The following RAVER2 variants were observed in gnomAD, a reference collection of about 807,000 sequenced individuals.
The protein encoded by RAVER2 is ribonucleoprotein PTB-binding 2.
Under a neutral mutation model 78.1 loss-of-function variants are expected in RAVER2, and 46 were observed. The observed-to-expected ratio is 0.59, with a 90% CI of 0.46 to 0.75. The LOEUF is 0.75. Ranked by LOEUF, RAVER2 falls within the 30% of genes least tolerant of loss-of-function variation. The pLI, the probability that RAVER2 is intolerant of heterozygous loss-of-function variation, is 0.00. For missense variants in RAVER2, 793 were observed against 837.5 expected (o/e 0.95, Z 0.66); for synonymous variants, 311 against 313.3 (o/e 0.99, Z 0.08).
intron 5 of RAVER2, among the ~76,000 whole-genome samples, chr1:64,790,102 T>C (rs1652894559): frequency 1.3e-5 from 2 of 152,366 alleles, no homozygotes; most frequent in South Asian, 2.1e-4. Context: ...CAACTTTTTA[T>C]GTACAAAAAT....
chr1:64,833,204 C>A (rs1271469194), exon 12 of RAVER2: 3 of 206,136 alleles, frequency 1.5e-5, no homozygotes, highest in Non-Finnish European at 3.0e-5. Flanking sequence ...AAAATGAAAT[C>A]TTAATATTAA....
chr1:64,814,307 C>T (rs1653701727), intron 10 of RAVER2, among the ~76,000 whole-genome samples: 1 of 151,430 alleles, frequency 6.6e-6, no homozygotes, highest in African/African-American at 2.4e-5. Flanking sequence ...TTCACCATGT[C>T]ACCTAAGCCA....
chr1:64,831,774 A>AT (rs1346026021), exon 12 of RAVER2: 1 of 151,898 alleles, frequency 6.6e-6, no homozygotes, highest in Middle Eastern at 3.2e-3. Context: ...AGGAAAAAAG[A>AT]AAACTTATGA....
At chr1:64,778,815 C>T (rs1185872060) in intron 3 of RAVER2, among the ~76,000 whole-genome samples, 1 of 149,314 alleles carries the variant, frequency 6.7e-6, no homozygotes, top group African/African-American at 2.4e-5. Context: ...CTTTTTACCG[C>T]ACTCCCTTCC....
chr1:64,776,952 T>C (rs1242690423), intron 2 of RAVER2, among the ~76,000 whole-genome samples: 1 of 152,194 alleles, frequency 6.6e-6, no homozygotes, highest in Non-Finnish European at 1.5e-5. Context: ...TTTTTATTGT[T>C]TTATGAATAT....
intron 5 of RAVER2, among the ~76,000 whole-genome samples, chr1:64,800,738 AAATTATGCTAG>A (rs1288561594): frequency 6.6e-6 from 1 of 152,130 alleles, no homozygotes; most frequent in Non-Finnish European, 1.5e-5. Context: ...AACTTTCCTA[AAATTATGCTAG>A]AATTAAACAT....
chr1:64,822,255 T>C (rs984123565), intron 11 of RAVER2, among the ~76,000 whole-genome samples: 2 of 152,156 alleles, frequency 1.3e-5, no homozygotes, highest in African/African-American at 2.4e-5. Flanking sequence ...GCCACTGCAC[T>C]CCAGCCCAGG....
In RAVER2 at chr1:64,804,847, G is replaced by A. The variant is rs367764933; in HGVS notation, c.1296+9G>A. 194 of 1,530,234 alleles carry A rather than the reference G, an allele frequency of 1.3e-4. No individual in the cohort carries two copies. Among genetic ancestry groups the A allele is most frequent in the Non-Finnish European group, 1.7e-4 (185 of 1,109,790 alleles). 94.8% of individuals were successfully genotyped at this position (1,530,234 alleles called of 1,614,324 possible). Reference sequence around the variant, plus strand: ...ATATTCATACTAATAATGTAAGTATGGTATCATTTTTTCTTTTAAAATCAG... The same window carrying A: ...ATATTCATACTAATAATGTAAGTATAGTATCATTTTTTCTTTTAAAATCAG... On this transcript the variant is annotated intron_variant, in intron 7 of 11. Transcript: ENST00000294428.
rs533263317 is a variant in RAVER2 at position 64,750,921 on chromosome 1, T to C, written c.249+5500T>C. Among the ~76,000 whole-genome samples, 6 of 152,358 alleles carry C rather than the reference T, an allele frequency of 3.9e-5. No individual in the cohort carries two copies. The South Asian group carries it at 1.2e-3, about 32-fold the overall frequency. On this transcript the variant is annotated intron_variant, in intron 1 of 11. Transcript: ENST00000294428. ...CCTATTCTCAATGTAACAAGAACACTGAAAGCTGCTAGGGAAATGTACTTC... is the reference window on the plus strand; with the variant it reads ...CCTATTCTCAATGTAACAAGAACACCGAAAGCTGCTAGGGAAATGTACTTC...
intron 11 of RAVER2, among the ~76,000 whole-genome samples, chr1:64,827,438 G>A (rs1017692016): frequency 4.6e-5 from 7 of 152,130 alleles, no homozygotes; most frequent in Non-Finnish European, 1.0e-4. Context: ...GACTTGGATT[G>A]TAGTTCCAAA....
chr1:64,786,455 T>C (rs1652782041), intron 4 of RAVER2, among the ~76,000 whole-genome samples: 1 of 152,252 alleles, frequency 6.6e-6, no homozygotes, highest in Admixed American at 6.5e-5. Flanking sequence ...CTGCTTTTTC[T>C]TGTTTGTTGG....
At chr1:64,823,998 G>T (rs933880665) in intron 11 of RAVER2, among the ~76,000 whole-genome samples, 1 of 151,978 alleles carries the variant, frequency 6.6e-6, no homozygotes, top group Non-Finnish European at 1.5e-5. Flanking sequence ...GTAGAGACAG[G>T]GTTTCACCAC....
At chr1:64,784,897 T>C (rs2100843085) in intron 4 of RAVER2, among the ~76,000 whole-genome samples, 1 of 152,348 alleles carries the variant, frequency 6.6e-6, no homozygotes, top group South Asian at 2.1e-4. Context: ...TCTTGATTAC[T>C]TCACTCAGGA....
Position 64,806,379 on chromosome 1 carries a change from C to T in RAVER2, c.1412-827C>T, listed in dbSNP as rs1314967335. Among the ~76,000 whole-genome samples the T allele has an allele frequency of 2.0e-5, 3 of 152,090 alleles. No individual in the cohort carries two copies. The East Asian group carries it at 5.8e-4, about 29-fold the overall frequency. ...TGAGCCATGATTGTGCCACTGCACT[C>T]CAGCCTTGGCGATGGGAATGAGACC... On this transcript the variant is annotated intron_variant, in intron 8 of 11. Transcript: ENST00000294428.
chr1:64,803,969 A>C (rs2100872917), intron 6 of RAVER2, among the ~76,000 whole-genome samples: 1 of 152,208 alleles, frequency 6.6e-6, no homozygotes, highest in East Asian at 1.9e-4. Flanking sequence ...ACCAAAATGC[A>C]TTACCTTTAA....
At chr1:64,774,036 C>T (rs1421177979) in intron 2 of RAVER2, among the ~76,000 whole-genome samples, 2 of 151,932 alleles carry the variant, frequency 1.3e-5, no homozygotes, top group African/African-American at 2.4e-5. Context: ...TTGTTTTTTT[C>T]TTGTAAATTT....
At chr1:64,759,190 T>C (rs1335771042) in intron 1 of RAVER2, among the ~76,000 whole-genome samples, 1 of 151,506 alleles carries the variant, frequency 6.6e-6, no homozygotes, top group Non-Finnish European at 1.5e-5. Context: ...TCAGGTTTTT[T>C]ATTTTTTATT....
chr1:64,826,275 G>A (rs529584515), intron 11 of RAVER2, among the ~76,000 whole-genome samples: 9 of 152,336 alleles, frequency 5.9e-5, no homozygotes, highest in Admixed American at 4.6e-4. Flanking sequence ...AAAAGGAATA[G>A]TGATCGCTGC....
chr1:64,766,438 A>G (rs1652177792), intron 1 of RAVER2, among the ~76,000 whole-genome samples: 1 of 152,188 alleles, frequency 6.6e-6, no homozygotes, highest in Admixed American at 6.6e-5. Context: ...CCTGGGTCAA[A>G]GCAACCAGGG....
Sources: gnomAD v4.1 joint callset for allele counts (sites outside exome capture counted in the v4.1 genomes callset) on GRCh38, gnomAD v4.1.1 for gene constraint, MANE v1.5 for transcripts, NCBI Gene and HGNC (gene_info 2026-07-23, HGNC 2026-07-21) for gene names.